The following CRTC3 variants were observed in gnomAD, a reference collection of about 807,000 sequenced individuals.
CRTC3 encodes CREB-regulated transcription coactivator 3.
In CRTC3, 26 loss-of-function variants were observed where a neutral mutation model predicts 74.5. That is an observed-to-expected ratio of 0.35 (90% CI 0.26 to 0.48). CRTC3 has a LOEUF of 0.48. Ranked by LOEUF, CRTC3 falls within the 20% of genes least tolerant of loss-of-function variation. The pLI, the probability that CRTC3 is intolerant of heterozygous loss-of-function variation, is 0.99. For missense variants in CRTC3, 760 were observed against 787.3 expected (o/e 0.97, Z 0.41); for synonymous variants, 377 against 325.8 (o/e 1.16, Z -1.69).
intron 5 of CRTC3, chr15:90,606,748 A>G (rs919479894): frequency 1.2e-4 from 18 of 152,232 alleles, no homozygotes; most frequent in African/African-American, 4.3e-4. Context: ...AAACACAAAA[A>G]AAGTATTGAA....
chr15:90,591,274 T>C (rs1967794547), intron 2 of CRTC3, among the ~76,000 whole-genome samples: 1 of 151,602 alleles, frequency 6.6e-6, no homozygotes, highest in Non-Finnish European at 1.5e-5. Flanking sequence ...AATTTGTTTG[T>C]TTGTAGAGCT....
At chr15:90,615,049 C>T (rs568757574) in intron 7 of CRTC3, among the ~76,000 whole-genome samples, 22 of 150,422 alleles carry the variant, frequency 1.5e-4, no homozygotes, top group Non-Finnish European at 2.5e-4. Flanking sequence ...GGCGACCGAG[C>T]GAGACTCCGT....
At chr15:90,636,356 G>A (rs1371096223) in intron 11 of CRTC3, among the ~76,000 whole-genome samples, 1 of 136,984 alleles carries the variant, frequency 7.3e-6, no homozygotes, top group Admixed American at 7.3e-5. Flanking sequence ...CTAGCCATAC[G>A]TAGAAAGCTG....
At chr15:90,633,551 C>A (rs1447473971) in intron 11 of CRTC3, among the ~76,000 whole-genome samples, 1 of 152,152 alleles carries the variant, frequency 6.6e-6, no homozygotes. Context: ...CTTGTGAGAT[C>A]TTTTTGTCCC....
intron 11 of CRTC3, among the ~76,000 whole-genome samples, chr15:90,631,411 A>AT (rs1251020788): frequency 6.6e-6 from 1 of 152,000 alleles, no homozygotes; most frequent in Admixed American, 6.6e-5. Context: ...CACCCAGCTA[A>AT]TTTTTTTAAT....
intron 11 of CRTC3, among the ~76,000 whole-genome samples, chr15:90,629,829 C>T (rs573253661): frequency 2.0e-4 from 30 of 152,264 alleles, no homozygotes; most frequent in African/African-American, 6.5e-4. Context: ...CTCAAGCGAT[C>T]TTCTCACCTT....
At chr15:90,639,058 ACT>A (rs1357368457) in intron 13 of CRTC3, among the ~76,000 whole-genome samples, 2 of 151,750 alleles carry the variant, frequency 1.3e-5, no homozygotes, top group African/African-American at 4.8e-5. Context: ...TTTTGATGAC[ACT>A]CTCGTTGTAG....
chr15:90,553,424 A>G (rs1468747331), intron 2 of CRTC3, among the ~76,000 whole-genome samples: 1 of 152,218 alleles, frequency 6.6e-6, no homozygotes, highest in East Asian at 1.9e-4. Context: ...GACCAAGAAT[A>G]TGGTTGTCGT....
Position 90,644,879 on chromosome 15 carries a change from A to G in CRTC3, c.*2739A>G, listed in dbSNP as rs2151101426. ...ATCGACCATTGTACTACTCTCACTT[A>G]CAGCAGTTAAACAGCATAGAACTAA... On this transcript the variant is annotated 3_prime_UTR_variant, in exon 15 of 15. Transcript: ENST00000268184. The G allele has an allele frequency of 4.3e-6, 1 of 232,496 alleles. No homozygotes were observed. The highest frequency in any genetic ancestry group is 1.8e-4 in the South Asian group (1 of 5,524). The allele number at this position is 232,496 out of a possible 1,614,324, so 14.4% of individuals were successfully genotyped here. A position where few individuals can be genotyped will look rare whatever the true frequency, so the allele number is the denominator to read the frequency against.
intron 4 of CRTC3, among the ~76,000 whole-genome samples, chr15:90,602,854 A>G (rs1006761327): frequency 2.6e-5 from 4 of 151,992 alleles, no homozygotes; most frequent in East Asian, 3.9e-4. Flanking sequence ...CATGCCTGTA[A>G]TCCCAGCTAC....
intron 2 of CRTC3, among the ~76,000 whole-genome samples, chr15:90,548,464 C>A (rs1016371140): frequency 6.6e-6 from 1 of 152,126 alleles, no homozygotes; most frequent in East Asian, 1.9e-4. Context: ...GCCCAGAGTT[C>A]GCATAGCAAG....
chr15:90,571,337 G>A (rs907504832), intron 2 of CRTC3, among the ~76,000 whole-genome samples: 3 of 152,212 alleles, frequency 2.0e-5, no homozygotes, highest in African/African-American at 7.2e-5. Flanking sequence ...CCTGGAGGAA[G>A]AGGTGACTAA....
chr15:90,582,516 C>T (rs1435972964), intron 2 of CRTC3, among the ~76,000 whole-genome samples: 3 of 152,220 alleles, frequency 2.0e-5, no homozygotes, highest in African/African-American at 7.2e-5. Context: ...TAACGATCAA[C>T]ACTTTGCATT....
intron 9 of CRTC3, 119 bp downstream of exon 9, chr15:90,619,909 C>T: frequency 1.3e-6 from 1 of 785,152 alleles, no homozygotes; most frequent in South Asian, 1.6e-5. Context: ...AATTGAAAGT[C>T]AACTGCATTT....
intron 1 of CRTC3, 97 bp from the exon 2 acceptor site, chr15:90,539,942 T>A: frequency 1.2e-6 from 1 of 839,356 alleles, no homozygotes; most frequent in South Asian, 1.5e-5. Flanking sequence ...AACAAGACTT[T>A]CATTCTTGAA....
At chr15:90,597,238 C>T (rs976149789) in intron 3 of CRTC3, among the ~76,000 whole-genome samples, 84 of 152,386 alleles carry the variant, frequency 5.5e-4, no homozygotes, top group African/African-American at 1.8e-3. Context: ...AGCAGCCCTT[C>T]TTACTCTCAC....
chr15:90,598,564 T>C lies in CRTC3; in HGVS notation c.352-3760T>C, dbSNP rs1161028659. 3.4e-5 allele frequency: 24 copies of C among 701,178 alleles called. No individual in the cohort carries two copies. In the East Asian group the frequency reaches 6.4e-4, roughly 19 times the overall value. 43.4% of individuals were successfully genotyped at this position (701,178 alleles called of 1,614,324 possible). On this transcript the variant is annotated intron_variant, in intron 3 of 14. Transcript: ENST00000268184. Reference sequence around the variant, plus strand: ...GAGAGAGAGAACACACTGGGATGACTCTGAGATCCTAACATGAGTGTCTTG... The same window carrying C: ...GAGAGAGAGAACACACTGGGATGACCCTGAGATCCTAACATGAGTGTCTTG...
chr15:90,540,752 G>A (rs763153469), intron 2 of CRTC3, among the ~76,000 whole-genome samples: 14 of 151,842 alleles, frequency 9.2e-5, no homozygotes, highest in Admixed American at 1.3e-4. Flanking sequence ...CAGCCTGGGC[G>A]ACAGAGCGAG....
intron 10 of CRTC3, among the ~76,000 whole-genome samples, chr15:90,628,782 T>A (rs1358978068): frequency 6.6e-6 from 1 of 151,154 alleles, no homozygotes; most frequent in Non-Finnish European, 1.5e-5. Flanking sequence ...CCAAGACAGC[T>A]CCCCAAGGGC....
Sources: allele counts gnomAD v4.1 joint callset (sites outside exome capture counted in the v4.1 genomes callset), GRCh38; gene constraint gnomAD v4.1.1; transcripts MANE v1.5; gene names NCBI Gene and HGNC (gene_info 2026-07-23, HGNC 2026-07-21).